Variants in TMEM132C observed in about 807,000 individuals in gnomAD.
The protein encoded by TMEM132C is protein phosphatase 1, regulatory subunit 152.
TMEM132C carries 29 observed loss-of-function variants against 61.4 expected under a neutral mutation model. The ratio of observed to expected loss-of-function variants is 0.47; its 90% CI spans 0.35 to 0.64. The LOEUF is 0.64. Among genes scored for constraint, TMEM132C ranks in the 30% least tolerant of loss-of-function variants. The pLI is 0.00. For missense variants in TMEM132C, 1,408 were observed against 1,476.9 expected, an observed-to-expected ratio of 0.95 and a Z score of 0.76; for synonymous variants, 656 against 633.1, an observed-to-expected ratio of 1.04 and a Z score of -0.54.
rs1873154198 is a variant in TMEM132C at position 128,346,159 on chromosome 12, G to A, written c.86-68573G>A. ...ACCCTAGCACTAATTATTGAATAGG[G>A]AATCCTTTCCCCATTGCTTGTTTTT... On this transcript the variant is annotated intron_variant, in intron 1 of 8. Coordinates refer to ENST00000435159, the MANE Select transcript of TMEM132C (RefSeq NM_001136103.3). 2.0e-5 allele frequency among the ~76,000 whole-genome samples: 3 copies of A among 152,104 alleles called. No homozygotes were observed. In the South Asian group the frequency reaches 6.2e-4, roughly 32 times the overall value.
At chr12:128,615,146 G>C (rs978201395) in intron 3 of TMEM132C, among the ~76,000 whole-genome samples, 1 of 152,190 alleles carries the variant, frequency 6.6e-6, no homozygotes, top group African/African-American at 2.4e-5. Context: ...TGAGAATGTA[G>C]TTTAGGCCTC....
At chr12:128,617,554 G>C (rs550638903) in intron 4 of TMEM132C, among the ~76,000 whole-genome samples, 47 of 150,286 alleles carry the variant, frequency 3.1e-4, no homozygotes, top group African/African-American at 1.2e-3. Context: ...CAGCAGGTGG[G>C]ACAGGTGTAG....
intron 2 of TMEM132C, among the ~76,000 whole-genome samples, chr12:128,428,655 C>T (rs187504277): frequency 6.6e-6 from 1 of 152,236 alleles, no homozygotes; most frequent in Non-Finnish European, 1.5e-5. Flanking sequence ...GGTGCAGGTG[C>T]TGGAAGGAGA....
At chr12:128,529,255 AC>A (rs113512675) in intron 2 of TMEM132C, among the ~76,000 whole-genome samples, 5 of 151,712 alleles carry the variant, frequency 3.3e-5, no homozygotes, top group African/African-American at 9.7e-5. Flanking sequence ...AACACAGAGT[AC>A]CCCCCATCAG....
chr12:128,623,435 G>GTA (rs1407744323), intron 4 of TMEM132C, among the ~76,000 whole-genome samples: 2 of 146,622 alleles, frequency 1.4e-5, no homozygotes, highest in African/African-American at 5.1e-5. Context: ...ATATATATAT[G>GTA]TATATATATA....
chr12:128,529,905 A>G (rs959066705), intron 2 of TMEM132C, among the ~76,000 whole-genome samples: 3 of 152,206 alleles, frequency 2.0e-5, no homozygotes, highest in African/African-American at 7.2e-5. Context: ...GATTAGGGAA[A>G]TGTTTATATT....
chr12:128,647,688 TGTGA>T (rs955922524), intron 4 of TMEM132C, among the ~76,000 whole-genome samples: 2 of 150,148 alleles, frequency 1.3e-5, no homozygotes, highest in African/African-American at 5.0e-5. Context: ...CAGCGTTGGA[TGTGA>T]GTGTGTTTGC....
intron 2 of TMEM132C, among the ~76,000 whole-genome samples, chr12:128,454,690 G>A (rs1406065297): frequency 6.6e-6 from 1 of 152,180 alleles, no homozygotes; most frequent in East Asian, 1.9e-4. Flanking sequence ...ACCCTTGGCT[G>A]GATGCTGAGC....
At chr12:128,556,334 G>A (rs1874329367) in intron 3 of TMEM132C, among the ~76,000 whole-genome samples, 1 of 152,200 alleles carries the variant, frequency 6.6e-6, no homozygotes, top group Non-Finnish European at 1.5e-5. Flanking sequence ...TATAGAGGAG[G>A]AATAGATGCT....
In TMEM132C at chr12:128,299,057, C is replaced by T. The variant is rs148922375; in HGVS notation, c.85+31570C>T. Among the ~76,000 whole-genome samples the T allele has an allele frequency of 2.6e-3, 403 of 152,290 alleles. 4 individuals are homozygous for T. Among genetic ancestry groups the T allele is most frequent in the African/African-American group, 9.4e-3 (389 of 41,560 alleles). On this transcript the variant is annotated intron_variant, in intron 1 of 8. Coordinates refer to ENST00000435159, the MANE Select transcript of TMEM132C (RefSeq NM_001136103.3). ...TGGGATGAATGTGATAACTTCCTCA[C>T]GGTGGCTTACGGTAGGATTAGTATG...
intron 1 of TMEM132C, among the ~76,000 whole-genome samples, chr12:128,301,845 C>G (rs1871605799): frequency 6.6e-6 from 1 of 152,168 alleles, no homozygotes; most frequent in Non-Finnish European, 1.5e-5. Flanking sequence ...ACTCGCAGTT[C>G]CATGTGGCTG....
intron 1 of TMEM132C, among the ~76,000 whole-genome samples, chr12:128,362,687 C>T (rs1442730145): frequency 6.6e-6 from 1 of 152,130 alleles, no homozygotes; most frequent in Non-Finnish European, 1.5e-5. Flanking sequence ...TGAACGTGAC[C>T]TTTGAATATC....
At chr12:128,321,138 A>AAAAAATAAT (rs369619722) in intron 1 of TMEM132C, among the ~76,000 whole-genome samples, 2 of 143,776 alleles carry the variant, frequency 1.4e-5, no homozygotes, top group South Asian at 2.2e-4. Context: ...CATTTTTGAA[A>AAAAAATAAT]AATAATAATA....
chr12:128,405,174 A>G (rs915155909), intron 1 of TMEM132C, among the ~76,000 whole-genome samples: 2 of 152,294 alleles, frequency 1.3e-5, no homozygotes, highest in Admixed American at 6.5e-5. Context: ...GACATTTGTC[A>G]GAACTCGCAA....
At chr12:128,670,275 C>T (rs1412377905) in intron 5 of TMEM132C, among the ~76,000 whole-genome samples, 1 of 152,202 alleles carries the variant, frequency 6.6e-6, no homozygotes, top group Admixed American at 6.5e-5. Flanking sequence ...TGCCACTGCA[C>T]TCCAGCCTGG....
At chr12:128,604,644 G>A (rs115914131) in intron 3 of TMEM132C, among the ~76,000 whole-genome samples, 3,390 of 151,594 alleles carry the variant, frequency 0.022, 127 homozygotes, top group African/African-American at 0.078. Context: ...GATAATAGAT[G>A]GATAGACAGA....
intron 4 of TMEM132C, among the ~76,000 whole-genome samples, chr12:128,624,552 A>G (rs2135589862): frequency 6.6e-6 from 1 of 150,962 alleles, no homozygotes; most frequent in South Asian, 2.1e-4. Flanking sequence ...TCAAAAAAAA[A>G]AAAAAAAAAA....
intron 3 of TMEM132C, among the ~76,000 whole-genome samples, chr12:128,558,371 T>C (rs905993089): frequency 1.3e-5 from 2 of 152,174 alleles, no homozygotes; most frequent in African/African-American, 4.8e-5. Context: ...GCTTTTCCCA[T>C]GCTGTTCTCA....
intron 2 of TMEM132C, among the ~76,000 whole-genome samples, chr12:128,451,783 C>T (rs912343326): frequency 6.6e-5 from 10 of 152,008 alleles, no homozygotes; most frequent in Non-Finnish European, 1.2e-4. Flanking sequence ...TTCACTCATT[C>T]CTTTAGTCAA....
Sources: allele counts gnomAD v4.1 joint callset (sites outside exome capture counted in the v4.1 genomes callset), GRCh38; gene constraint gnomAD v4.1.1; transcripts MANE v1.5; gene names NCBI Gene and HGNC (gene_info 2026-07-23, HGNC 2026-07-21).